The following NOCT variants were observed in gnomAD, a reference collection of about 807,000 sequenced individuals.
NOCT encodes nocturnin.
NOCT carries 18 observed loss-of-function variants against 35.0 expected under a neutral mutation model. The ratio of observed to expected loss-of-function variants is 0.51; its 90% confidence interval spans 0.36 to 0.76. The LOEUF is 0.76. Among genes scored for constraint, NOCT ranks in the 30% least tolerant of loss-of-function variants. NOCT has a pLI of 0.01. For missense variants in NOCT, 479 were observed against 541.0 expected (o/e 0.89, Z 1.14); for synonymous variants, 235 against 226.3 (o/e 1.04, Z -0.34).
chr4:139,025,469 G>T (rs984383198), intron 1 of NOCT, among the ~76,000 whole-genome samples: 1 of 152,116 alleles, frequency 6.6e-6, no homozygotes, highest in African/African-American at 2.4e-5. Context: ...CTCCATTGAT[G>T]TCATGCATCC....
intron 1 of NOCT, among the ~76,000 whole-genome samples, chr4:139,030,909 C>T (rs895571967): frequency 5.9e-5 from 9 of 152,248 alleles, no homozygotes; most frequent in African/African-American, 9.6e-5. Context: ...TAGGTTTCCT[C>T]GGGCGGAGGT....
Position 139,045,533 on chromosome 4 carries a change from T to TTTG in NOCT, c.*60_*61insTGT, listed in dbSNP as rs1726922447. The stretch of plus-strand genomic sequence containing the variant: ...TATTTTTTTTTTTTTTTTTTTTTTT[T>TTTG]TGAGACAGAGTCTCGCTCTGTTGCC... On this transcript the variant is annotated 3_prime_UTR_variant, in exon 3 of 3. Coordinates refer to ENST00000280614, the MANE Select transcript of NOCT (RefSeq NM_012118.4). 2.0e-6 allele frequency: 2 copies of TTTG among 1,006,210 alleles called. No homozygotes were observed. Among genetic ancestry groups the TTTG allele is most frequent in the Non-Finnish European group, 1.4e-6 (1 of 700,586 alleles). 62.3% of individuals were successfully genotyped at this position (1,006,210 alleles called of 1,614,324 possible).
At chr4:139,043,979 T>A (rs1181542452) in intron 2 of NOCT, 1 of 113,878 alleles carries the variant, frequency 8.8e-6, no homozygotes, top group Non-Finnish European at 1.8e-5. Context: ...CAAAAAAATA[T>A]GTATATATAT....
chr4:139,033,904 A>C (rs1726671087), intron 1 of NOCT, among the ~76,000 whole-genome samples: 1 of 151,742 alleles, frequency 6.6e-6, no homozygotes, highest in Admixed American at 6.6e-5. Context: ...TTTTAATTAC[A>C]TCTAGATACG....
Position 139,027,279 on chromosome 4 carries a change from A to G in NOCT, c.190+11108A>G, listed in dbSNP as rs561532286. Among the ~76,000 whole-genome samples, 23 of 151,516 alleles carry G rather than the reference A, an allele frequency of 1.5e-4. No homozygotes were observed. In the East Asian group the frequency reaches 1.6e-3, roughly 10 times the overall value. ...AGGCTCAGCCTCCTGGGCTCACGCA[A>G]TCCTCCTGCCCCAGCCTCCCAAGTA... On this transcript the variant is annotated intron_variant, in intron 1 of 2. Transcript: ENST00000280614.
intron 1 of NOCT, among the ~76,000 whole-genome samples, chr4:139,033,262 G>T (rs1305976714): frequency 6.6e-6 from 1 of 151,992 alleles, no homozygotes; most frequent in Non-Finnish European, 1.5e-5. Context: ...TACTCAGGAG[G>T]CTGAGGCAGG....
rs553261505 is a variant in NOCT, at chr4:139,045,788, A to G, written c.*314A>G. On this transcript the variant is annotated 3_prime_UTR_variant, in exon 3 of 3. Coordinates refer to ENST00000280614, the MANE Select transcript of NOCT (RefSeq NM_012118.4). ...GTCTTAACAGGGAATGTTTCAGGAAACAAATAGGATAAGACAATGCCAGAG... is the reference window on the plus strand; with the variant it reads ...GTCTTAACAGGGAATGTTTCAGGAAGCAAATAGGATAAGACAATGCCAGAG... 1 of 206,664 alleles carries G rather than the reference A, an allele frequency of 4.8e-6. No individual in the cohort carries two copies. The highest frequency in any genetic ancestry group is 1.3e-4 in the South Asian group (1 of 7,556). 12.8% of individuals were successfully genotyped at this position (206,664 alleles called of 1,614,324 possible).
rs200601266 is a variant in NOCT at position 139,045,469 on chromosome 4, T to C, written c.1291T>C (p.Ser431Pro). Reference sequence around the variant, plus strand: ...CTTTACTGAGGAATCTGATGGACTTTCATAAATACTTGCTTTTGTCTTTTT... The same window carrying C: ...CTTTACTGAGGAATCTGATGGACTTCCATAAATACTTGCTTTTGTCTTTTT... Reference protein sequence around the residue: ...FSFTEESDGLS With the variant: ...FSFTEESDGLP The change falls in exon 3 of 3, where the codon TCA (serine) becomes CCA (proline). Residue 431 changes from serine to proline, a missense_variant. Transcript: ENST00000280614. 6.8e-5 allele frequency: 99 copies of C among 1,464,316 alleles called. No individual in the cohort carries two copies. Among genetic ancestry groups the C allele is most frequent in the African/African-American group, 2.0e-4 (14 of 71,494 alleles). 90.7% of individuals were successfully genotyped at this position (1,464,316 alleles called of 1,614,324 possible). A position where few individuals can be genotyped will look rare whatever the true frequency, so the allele number is the denominator to read the frequency against.
chr4:139,033,225 T>G (rs1726660187), intron 1 of NOCT, among the ~76,000 whole-genome samples: 2 of 139,026 alleles, frequency 1.4e-5, no homozygotes, highest in South Asian at 2.3e-4. Flanking sequence ...ATTAGACAGG[T>G]GTGGTGGTGT....
In NOCT at chr4:139,044,620, ACTAG is replaced by A. The variant is rs770021304; in HGVS notation, c.461-16_461-13del. On this transcript the variant is annotated splice_polypyrimidine_tract_variant and intron_variant, in intron 2 of 2. Transcript: ENST00000280614. ...ACGGTTTTGTAAGAGCTGACAACTG[ACTAG>A]CTTTTTCTTTTCAGCTCTTGGAGAA... 4.5e-6 allele frequency: 7 copies of A among 1,544,578 alleles called. No individual in the cohort carries two copies. The highest frequency in any genetic ancestry group is 6.2e-6 in the Non-Finnish European group (7 of 1,120,986).
At chr4:139,040,518 A>G (rs1272212571) in intron 1 of NOCT, among the ~76,000 whole-genome samples, 1 of 151,970 alleles carries the variant, frequency 6.6e-6, no homozygotes, top group Non-Finnish European at 1.5e-5. Context: ...TGCTTTTCTG[A>G]TTTCACGTAC....
Position 139,044,603 on chromosome 4 carries a change from G to C in NOCT, c.461-36G>C, listed in dbSNP as rs775989804. 2.3e-5 allele frequency: 33 copies of C among 1,411,310 alleles called. No homozygotes were observed. The Admixed American group carries it at 5.6e-4, about 24-fold the overall frequency. The allele number at this position is 1,411,310 out of a possible 1,614,324, so 87.4% of individuals were successfully genotyped here. On this transcript the variant is annotated intron_variant, in intron 2 of 2. Transcript: ENST00000280614. ...CTGGGTACTTTGAAGTCACGGTTTTGTAAGAGCTGACAACTGACTAGCTTT... is the reference window on the plus strand; with the variant it reads ...CTGGGTACTTTGAAGTCACGGTTTTCTAAGAGCTGACAACTGACTAGCTTT...
At position 139,045,162 on chromosome 4, in the gene NOCT, G is replaced by A. The variant is rs534652931; in HGVS notation, c.984G>A (p.Glu328=). The change falls in exon 3 of 3, where the codon GAG becomes GAA. Residue 328 remains glutamate (E), a synonymous_variant. Coordinates refer to ENST00000280614, the MANE Select transcript of NOCT (RefSeq NM_012118.4). ...TTGTGTGTGGGGACTTCAATGCAGA[G>A]CCAACAGAAGAGGTCTACAAACACT... ...PLIVCGDFNA[E]PTEEVYKHFA... 6 of 1,614,188 alleles carry A rather than the reference G, an allele frequency of 3.7e-6. No individual in the cohort carries two copies. Among genetic ancestry groups the A allele is most frequent in the Admixed American group, 3.3e-5 (2 of 60,016 alleles).
At chr4:139,017,098 T>A (rs1005552771) in intron 1 of NOCT, among the ~76,000 whole-genome samples, 1 of 150,012 alleles carries the variant, frequency 6.7e-6, no homozygotes, top group African/African-American at 2.5e-5. Context: ...ATAACTACCC[T>A]GAGTTTTCCT....
At chr4:139,024,886 G>C (rs1726484214) in intron 1 of NOCT, among the ~76,000 whole-genome samples, 1 of 152,204 alleles carries the variant, frequency 6.6e-6, no homozygotes, top group Admixed American at 6.5e-5. Context: ...TTACAGGTGT[G>C]AGCCACCGCG....
chr4:139,016,279 G>C, intron 1 of NOCT, 108 bp downstream of exon 1: 1 of 701,330 alleles, frequency 1.4e-6, no homozygotes, highest in Admixed American at 4.6e-5. Flanking sequence ...CGGTCGTGGA[G>C]TCTGGCCTGA....
At chr4:139,042,483 C>A (rs1367741494) in intron 1 of NOCT, among the ~76,000 whole-genome samples, 1 of 152,098 alleles carries the variant, frequency 6.6e-6, no homozygotes, top group Non-Finnish European at 1.5e-5. Flanking sequence ...TTAGAAGAGG[C>A]CATCAAGATC....
chr4:139,042,951 C>T, intron 1 of NOCT, 123 bp from the exon 2 acceptor site: 1 of 762,680 alleles, frequency 1.3e-6, no homozygotes, highest in Non-Finnish European at 2.1e-6. Context: ...TGGCTTTATA[C>T]ACTATTATGG....
At chr4:139,025,778 T>G (rs1726501743) in intron 1 of NOCT, among the ~76,000 whole-genome samples, 1 of 146,286 alleles carries the variant, frequency 6.8e-6, no homozygotes, top group Non-Finnish European at 1.5e-5. Flanking sequence ...CACTCCAGAC[T>G]AGGCAACAGA....
Sources: gnomAD v4.1 joint callset for allele counts (sites outside exome capture counted in the v4.1 genomes callset) on GRCh38, gnomAD v4.1.1 for gene constraint, MANE v1.5 for transcripts, NCBI Gene and HGNC (gene_info 2026-07-23, HGNC 2026-07-21) for gene names.